Variants in LRBA observed in about 807,000 individuals in gnomAD.
LRBA encodes the protein LPS responsive beige-like anchor protein.
In LRBA, 176 loss-of-function variants were observed where a neutral mutation model predicts 330.0. That is an observed-to-expected ratio of 0.53 (90% CI 0.47 to 0.60). The LOEUF (loss-of-function observed/expected upper bound fraction) is 0.60, where lower values mean the gene tolerates loss of function less well. LRBA is among the 20% of genes least tolerant of loss of function. LRBA has a pLI of 0.00. For synonymous variants in LRBA, 1,230 were observed against 1,193.0 expected (o/e 1.03, Z -0.64); for missense variants, 3,259 against 3,444.8 (o/e 0.95, Z 1.35).
At chr4:150,359,737 T>C (rs1738398169) in intron 47 of LRBA, among the ~76,000 whole-genome samples, 1 of 152,004 alleles carries the variant, frequency 6.6e-6, no homozygotes, top group Admixed American at 6.6e-5. Flanking sequence ...TCCCAGCACT[T>C]TGGGAGGCCG....
At chr4:150,651,047 C>G (rs1156435683) in intron 37 of LRBA, among the ~76,000 whole-genome samples, 1 of 152,070 alleles carries the variant, frequency 6.6e-6, no homozygotes, top group Admixed American at 6.6e-5. Context: ...AACAAGCAAA[C>G]CTTATTACTT....
chr4:150,555,719 C>A (rs973956663), intron 40 of LRBA, among the ~76,000 whole-genome samples: 1 of 149,842 alleles, frequency 6.7e-6, no homozygotes, highest in African/African-American at 2.5e-5. Flanking sequence ...CCACTGCACT[C>A]CAGCCTGGGT....
At chr4:150,575,559 G>A (rs752305587) in intron 40 of LRBA, among the ~76,000 whole-genome samples, 15 of 151,824 alleles carry the variant, frequency 9.9e-5, no homozygotes, top group Non-Finnish European at 2.1e-4. Flanking sequence ...CATACGATAT[G>A]CTTAACTAAT....
intron 36 of LRBA, chr4:150,721,414 C>A (rs1728914032): frequency 6.6e-6 from 2 of 302,602 alleles, no homozygotes; most frequent in African/African-American, 2.3e-5. Flanking sequence ...AAAGTTATAA[C>A]ATATTCAGCA....
intron 34 of LRBA, among the ~76,000 whole-genome samples, chr4:150,774,321 AC>A (rs921947986): frequency 6.6e-5 from 10 of 152,034 alleles, no homozygotes; most frequent in Non-Finnish European, 1.3e-4. Flanking sequence ...AGGATCTACC[AC>A]CTCAAAGACT....
chr4:150,352,606 T>C (rs1561055419), intron 47 of LRBA, among the ~76,000 whole-genome samples: 2 of 152,150 alleles, frequency 1.3e-5, no homozygotes. Context: ...ATATTTTACT[T>C]GAAATAAGAA....
At chr4:150,695,399 T>G (rs185356398) in intron 36 of LRBA, among the ~76,000 whole-genome samples, 1 of 152,186 alleles carries the variant, frequency 6.6e-6, no homozygotes, top group Non-Finnish European at 1.5e-5. Context: ...CACAACTCAC[T>G]GCAGCCTCCA....
At position 150,848,906 on chromosome 4, in the gene LRBA, A is replaced by C. The variant is rs368359223; in HGVS notation, c.4251T>G (p.Leu1417=). The part of the protein sequence containing the change: ...LQRLISLVDV[L]IFASSLGFTE... ...TAAAGCCAAGAGAACTTGCAAATAT[A>C]AGCACATCCACAAGGCTAATTAGCC... The change falls in exon 26 of 57, where the codon CTT becomes CTG. Residue 1417 remains leucine, a synonymous_variant. Coordinates refer to ENST00000651943, the MANE Select transcript of LRBA (RefSeq NM_001364905.1). 7 of 1,613,172 alleles carry C rather than the reference A, an allele frequency of 4.3e-6. No homozygotes were observed. Among genetic ancestry groups the C allele is most frequent in the African/African-American group, 1.3e-5 (1 of 74,884 alleles).
intron 37 of LRBA, among the ~76,000 whole-genome samples, chr4:150,607,553 G>C (rs777491480): frequency 6.6e-6 from 1 of 151,236 alleles, no homozygotes; most frequent in Non-Finnish European, 1.5e-5. Flanking sequence ...ATTTCTAATA[G>C]GTAAGTAATA....
In LRBA at chr4:150,270,341, T is replaced by C. The variant is rs570788758; in HGVS notation, c.8469-4529A>G. On this transcript the variant is annotated intron_variant, in intron 56 of 56. Transcript: ENST00000651943. ...GTGTCCATCATCAACAGGTGAACGATAAACAGAACACAGAATATTCATATA... is the reference window on the plus strand; with the variant it reads ...GTGTCCATCATCAACAGGTGAACGACAAACAGAACACAGAATATTCATATA... 9.2e-5 allele frequency among the ~76,000 whole-genome samples: 14 copies of C among 152,314 alleles called. 1 individual carries two copies. The South Asian group carries it at 2.9e-3, about 32-fold the overall frequency.
At chr4:150,494,768 G>A (rs1267709377) in intron 40 of LRBA, among the ~76,000 whole-genome samples, 1 of 152,214 alleles carries the variant, frequency 6.6e-6, no homozygotes, top group Non-Finnish European at 1.5e-5. Context: ...GGCCAAGGCA[G>A]GCGGATCACG....
At chr4:150,362,850 C>G (rs1283063232) in intron 47 of LRBA, among the ~76,000 whole-genome samples, 1 of 152,112 alleles carries the variant, frequency 6.6e-6, no homozygotes, top group Non-Finnish European at 1.5e-5. Context: ...GCCTGTATTC[C>G]CAGCACACTG....
At chr4:150,368,463 T>C (rs950683636) in intron 47 of LRBA, among the ~76,000 whole-genome samples, 4 of 152,318 alleles carry the variant, frequency 2.6e-5, no homozygotes, top group Admixed American at 2.6e-4. Flanking sequence ...TAACAAAAGT[T>C]AAATTTAAAC....
intron 36 of LRBA, among the ~76,000 whole-genome samples, chr4:150,703,166 G>GA (rs925868366): frequency 1.1e-4 from 16 of 150,614 alleles, no homozygotes; most frequent in African/African-American, 3.2e-4. Flanking sequence ...GTCTCCAAAA[G>GA]AAAAAAAAAG....
intron 17 of LRBA, among the ~76,000 whole-genome samples, chr4:150,883,573 C>A (rs1169000995): frequency 6.6e-6 from 1 of 152,178 alleles, no homozygotes; most frequent in Non-Finnish European, 1.5e-5. Context: ...CGACCTTCCA[C>A]CATCTCTCTT....
chr4:150,867,261 C>T (rs755274500), intron 22 of LRBA, among the ~76,000 whole-genome samples: 24 of 152,002 alleles, frequency 1.6e-4, no homozygotes, highest in African/African-American at 4.3e-4. Flanking sequence ...GAATATAGTG[C>T]GCCACCTTGT....
At chr4:150,424,401 C>A (rs1214004233) in intron 46 of LRBA, among the ~76,000 whole-genome samples, 4 of 152,138 alleles carry the variant, frequency 2.6e-5, no homozygotes, top group South Asian at 2.1e-4. Flanking sequence ...TAAAAAGAGA[C>A]CCAAAACACT....
chr4:150,549,394 C>G (rs1199805771), intron 40 of LRBA, among the ~76,000 whole-genome samples: 2 of 151,718 alleles, frequency 1.3e-5, no homozygotes, highest in Non-Finnish European at 2.9e-5. Flanking sequence ...TGCAGTGGCA[C>G]TATCTCGGCT....
At chr4:150,977,418 T>C (rs1740312633) in intron 2 of LRBA, among the ~76,000 whole-genome samples, 2 of 151,614 alleles carry the variant, frequency 1.3e-5, no homozygotes, top group Admixed American at 1.3e-4. Flanking sequence ...CCCGCTGCCT[T>C]GAAGGGAATG....
Sources: gnomAD v4.1 joint callset for allele counts (sites outside exome capture counted in the v4.1 genomes callset) on GRCh38, gnomAD v4.1.1 for gene constraint, MANE v1.5 for transcripts, NCBI Gene and HGNC (gene_info 2026-07-23, HGNC 2026-07-21) for gene names.